GGTA1: variants seen among roughly 807,000 people sequenced by gnomAD.
The protein encoded by GGTA1 is inactive N-acetyllactosaminide alpha-1,3-galactosyltransferase.
In GGTA1, 5 loss-of-function variants were observed where a neutral mutation model predicts 2.6. That is an observed-to-expected ratio of 1.92 (90% CI 1.00 to 4.04). The LOEUF (loss-of-function observed/expected upper bound fraction) is 4.04, where lower values mean the gene tolerates loss of function less well. Among genes scored for constraint, GGTA1 ranks in the 30% most tolerant of loss-of-function variants. The pLI is 0.00. For missense variants in GGTA1, 50 were observed against 16.7 expected (o/e 2.99, Z -3.47); for synonymous variants, 17 against 5.0 (o/e 3.38, Z -3.19).
chr9:121,473,289 C>T (rs138265156), intron 1 of GGTA1, among the ~76,000 whole-genome samples: 2,126 of 146,146 alleles, frequency 0.015, 55 homozygotes, highest in African/African-American at 0.052. Context: ...CACTGCACTC[C>T]GGCCTAGGTG....
At chr9:121,461,989 C>T (rs1017203729) in intron 3 of GGTA1, among the ~76,000 whole-genome samples, 7 of 152,198 alleles carry the variant, frequency 4.6e-5, no homozygotes, top group African/African-American at 1.4e-4. Context: ...TGTAGCCACC[C>T]ATTTGAGAAA....
chr9:121,456,159 C>T (rs2064909638), intron 5 of GGTA1, among the ~76,000 whole-genome samples: 1 of 152,078 alleles, frequency 6.6e-6, no homozygotes, highest in South Asian at 2.1e-4. Context: ...TGTCAACTGC[C>T]AGAGAAGTCC....
intron 7 of GGTA1, among the ~76,000 whole-genome samples, chr9:121,449,857 A>AAAAG (rs1554835876): frequency 4.0e-5 from 6 of 151,326 alleles, no homozygotes; most frequent in African/African-American, 9.7e-5. Context: ...AAAAAAAAAA[A>AAAAG]AAGAAGAAGA....
intron 1 of GGTA1, among the ~76,000 whole-genome samples, chr9:121,479,567 C>T (rs921955529): frequency 6.6e-6 from 1 of 152,232 alleles, no homozygotes; most frequent in African/African-American, 2.4e-5. Flanking sequence ...GGAAAGGCCA[C>T]CACCCACCCT....
intron 1 of GGTA1, among the ~76,000 whole-genome samples, chr9:121,483,880 G>C (rs1358576266): frequency 6.6e-6 from 1 of 152,184 alleles, no homozygotes; most frequent in Admixed American, 6.5e-5. Context: ...AGACACAAAG[G>C]TTGCAAGTTG....
chr9:121,490,277 T>C (rs1293720801), intron 1 of GGTA1, among the ~76,000 whole-genome samples: 2 of 152,110 alleles, frequency 1.3e-5, no homozygotes, highest in African/African-American at 2.4e-5. Flanking sequence ...TTTACACAGG[T>C]GGATTTTGAG....
chr9:121,486,263 C>T (rs1401949302), intron 1 of GGTA1, among the ~76,000 whole-genome samples: 2 of 152,194 alleles, frequency 1.3e-5, no homozygotes, highest in African/African-American at 4.8e-5. Context: ...GAACTCCATG[C>T]CCCAAGACCT....
chr9:121,455,972 C>T, intron 5 of GGTA1, 131 bp from the exon 6 acceptor site: 1 of 374,580 alleles, frequency 2.7e-6, no homozygotes, highest in South Asian at 2.1e-5. Flanking sequence ...CAAAGCCACA[C>T]AACAGCCTGA....
intron 1 of GGTA1, among the ~76,000 whole-genome samples, chr9:121,480,206 C>A (rs1435752862): frequency 6.6e-6 from 1 of 152,014 alleles, no homozygotes; most frequent in Non-Finnish European, 1.5e-5. Flanking sequence ...CAGGCACATG[C>A]CACCACGCCC....
intron 1 of GGTA1, chr9:121,479,374 T>C (rs1013473668): frequency 1.6e-4 from 55 of 333,584 alleles, no homozygotes; most frequent in African/African-American, 1.1e-3. Context: ...AGATGGGGAG[T>C]AGACAGAGCC....
At chr9:121,451,271 C>T (rs1421782293), downstream of GGTA1, among the ~76,000 whole-genome samples, 1 of 152,124 alleles carries the variant, frequency 6.6e-6, no homozygotes, top group Admixed American at 6.6e-5. Flanking sequence ...CTGCAACCTC[C>T]GCCTCCCAGG....
chr9:121,493,239 A>G (rs1828908055), intron 1 of GGTA1, among the ~76,000 whole-genome samples: 1 of 151,870 alleles, frequency 6.6e-6, no homozygotes, highest in African/African-American at 2.4e-5. Flanking sequence ...TTTCAGTCTG[A>G]GTAAAGCCAG....
At chr9:121,487,303 G>A (rs1042295178) in intron 1 of GGTA1, among the ~76,000 whole-genome samples, 25 of 149,984 alleles carry the variant, frequency 1.7e-4, no homozygotes, top group East Asian at 7.7e-4. Flanking sequence ...CTCAGGCTGC[G>A]CGCGGTGACT....
chr9:121,477,393 G>A (rs1410999679), intron 1 of GGTA1, among the ~76,000 whole-genome samples: 1 of 152,098 alleles, frequency 6.6e-6, no homozygotes, highest in African/African-American at 2.4e-5. Context: ...CATGACAGGT[G>A]TATCAGACAG....
intron 1 of GGTA1, among the ~76,000 whole-genome samples, chr9:121,495,188 G>A (rs1367308761): frequency 1.3e-5 from 2 of 151,868 alleles, no homozygotes; most frequent in Non-Finnish European, 2.9e-5. Flanking sequence ...CCCAAGTTCT[G>A]GGATTACAGG....
At chr9:121,480,551 C>A (rs529539283) in intron 1 of GGTA1, among the ~76,000 whole-genome samples, 10 of 152,108 alleles carry the variant, frequency 6.6e-5, no homozygotes, top group African/African-American at 2.2e-4. Flanking sequence ...AAACCCCAGA[C>A]TAAAGACAGG....
chr9:121,474,793 G>A (rs1320359637), intron 1 of GGTA1, among the ~76,000 whole-genome samples: 2 of 151,972 alleles, frequency 1.3e-5, no homozygotes, highest in Non-Finnish European at 2.9e-5. Flanking sequence ...GCAGGAATCC[G>A]GCAGGGTGAA....
chr9:121,451,646 C>A (rs768413828), downstream of GGTA1, among the ~76,000 whole-genome samples: 5 of 152,218 alleles, frequency 3.3e-5, no homozygotes, highest in Non-Finnish European at 5.9e-5. Context: ...TAGAAGTGAT[C>A]TGAGGAACCC....
Position 121,461,302 on chromosome 9 carries a change from A to G in GGTA1, c.132T>C (p.Asp44=). 2 of 456,440 alleles carry G rather than the reference A, an allele frequency of 4.4e-6. No homozygotes were observed. Among genetic ancestry groups the G allele is most frequent in the East Asian group, 1.4e-4 (2 of 14,398 alleles). The allele number at this position is 456,440 out of a possible 1,614,324, so 28.3% of individuals were successfully genotyped here. Residue 44 remains aspartate (D), a synonymous_variant, in exon 4 of 6, where the codon GAT becomes GAC. Coordinates refer to ENST00000481799, the MANE Select transcript of GGTA1 (RefSeq NM_001382585.1). ...WIYHSKNPEV[D]DSSAQKGWWF... Reference sequence around the variant, plus strand: ...ACCAGCCCTTCTGAGCACTGCTGTCATCAACTTCTGGGTTTCTAAGAAATG... The same window carrying G: ...ACCAGCCCTTCTGAGCACTGCTGTCGTCAACTTCTGGGTTTCTAAGAAATG...
Sources: gnomAD v4.1 joint callset for allele counts (sites outside exome capture counted in the v4.1 genomes callset) on GRCh38, gnomAD v4.1.1 for gene constraint, MANE v1.5 for transcripts, NCBI Gene and HGNC (gene_info 2026-07-23, HGNC 2026-07-21) for gene names.